Variants in COMMD10 observed in about 807,000 individuals in gnomAD.
COMMD10 encodes the protein COMM domain containing 10.
In COMMD10, 33 loss-of-function variants were observed where a neutral mutation model predicts 28.9. The ratio of observed to expected loss-of-function variants is 1.14; its 90% CI spans 0.87 to 1.53. The LOEUF is 1.53. COMMD10 is among the 40% of genes most tolerant of loss of function. The pLI is 0.00. For synonymous variants in COMMD10, 110 were observed against 81.7 expected (o/e 1.35, Z -1.87); for missense variants, 310 against 233.4 (o/e 1.33, Z -2.14).
chr5:116,241,674 G>A (rs1030818693), intron 5 of COMMD10, among the ~76,000 whole-genome samples: 16 of 151,460 alleles, frequency 1.1e-4, no homozygotes, highest in African/African-American at 2.7e-4. Context: ...GTGCAGTGGC[G>A]CAATCTCAGC....
intron 5 of COMMD10, among the ~76,000 whole-genome samples, chr5:116,264,000 G>A (rs904829626): frequency 4.6e-5 from 7 of 151,714 alleles, no homozygotes; most frequent in Non-Finnish European, 1.0e-4. Context: ...AGAGCAAACC[G>A]TACTTCCTGA....
chr5:116,107,308 G>A (rs1750873046), intron 4 of COMMD10, among the ~76,000 whole-genome samples: 1 of 151,992 alleles, frequency 6.6e-6, no homozygotes, highest in South Asian at 2.1e-4. Flanking sequence ...TCACTTTGAG[G>A]TACACCAATC....
intron 5 of COMMD10, among the ~76,000 whole-genome samples, chr5:116,172,004 TATC>T (rs1753351697): frequency 6.6e-6 from 1 of 152,058 alleles, no homozygotes; most frequent in Non-Finnish European, 1.5e-5. Flanking sequence ...TTTTGTGAAT[TATC>T]ATATTTAAAC....
At chr5:116,106,144 A>G (rs1314956322) in intron 4 of COMMD10, among the ~76,000 whole-genome samples, 1 of 150,562 alleles carries the variant, frequency 6.6e-6, no homozygotes, top group Non-Finnish European at 1.5e-5. Context: ...TTCCCTCTGC[A>G]CACTGCTTTA....
At chr5:116,117,880 A>G (rs930862287) in intron 4 of COMMD10, among the ~76,000 whole-genome samples, 1 of 152,202 alleles carries the variant, frequency 6.6e-6, no homozygotes, top group Non-Finnish European at 1.5e-5. Context: ...TTTCCCAACC[A>G]TTACTAGACT....
chr5:116,235,071 AT>A (rs1323383917), intron 5 of COMMD10, among the ~76,000 whole-genome samples: 8 of 152,146 alleles, frequency 5.3e-5, no homozygotes, highest in Admixed American at 4.6e-4. Context: ...GTATAATATA[AT>A]TTCAGATCTG....
chr5:116,096,615 C>T (rs890793872), intron 4 of COMMD10, among the ~76,000 whole-genome samples: 16 of 151,664 alleles, frequency 1.1e-4, no homozygotes, highest in Non-Finnish European at 7.4e-5. Context: ...GGACTTCCAA[C>T]GTGATGCTGA....
chr5:116,290,517 C>T (rs980868521), intron 5 of COMMD10, among the ~76,000 whole-genome samples: 4 of 151,734 alleles, frequency 2.6e-5, no homozygotes, highest in East Asian at 1.9e-4. Flanking sequence ...TTTGAAATGT[C>T]GGCTTTGTAA....
intron 5 of COMMD10, among the ~76,000 whole-genome samples, chr5:116,254,304 C>T (rs1251100938): frequency 3.3e-5 from 5 of 151,988 alleles, no homozygotes; most frequent in Admixed American, 3.3e-4. Flanking sequence ...TCCTTCAGTT[C>T]TGCTCTGATC....
chr5:116,235,462 T>C (rs933984020), intron 5 of COMMD10, among the ~76,000 whole-genome samples: 6 of 152,194 alleles, frequency 3.9e-5, no homozygotes, highest in African/African-American at 1.4e-4. Flanking sequence ...TTGCTGTTAC[T>C]TAGCTCTCAC....
chr5:116,100,564 T>A (rs571322796), intron 4 of COMMD10, among the ~76,000 whole-genome samples: 23 of 151,124 alleles, frequency 1.5e-4, no homozygotes, highest in Non-Finnish European at 2.8e-4. Flanking sequence ...TCAGTACCAT[T>A]AGTTGAAAAG....
intron 5 of COMMD10, among the ~76,000 whole-genome samples, chr5:116,154,646 C>T (rs986692784): frequency 1.3e-5 from 2 of 152,064 alleles, no homozygotes; most frequent in African/African-American, 4.8e-5. Flanking sequence ...GGCAAGTTGG[C>T]CCAAAGTCGT....
intron 5 of COMMD10, among the ~76,000 whole-genome samples, chr5:116,253,934 T>C (rs1048116413): frequency 3.9e-5 from 6 of 151,962 alleles, no homozygotes; most frequent in Non-Finnish European, 8.8e-5. Flanking sequence ...TCCTGGACTC[T>C]TCTTGGTTGG....
intron 5 of COMMD10, among the ~76,000 whole-genome samples, chr5:116,180,373 G>A (rs1036556807): frequency 2.0e-5 from 3 of 152,074 alleles, no homozygotes; most frequent in Non-Finnish European, 4.4e-5. Flanking sequence ...TCTGTTTTCA[G>A]TTAAGTTATT....
At chr5:116,177,083 A>C (rs1226409478) in intron 5 of COMMD10, among the ~76,000 whole-genome samples, 3 of 152,088 alleles carry the variant, frequency 2.0e-5, no homozygotes, top group Admixed American at 1.3e-4. Context: ...TGGGCTTGCA[A>C]AGGTAGTCAC....
rs1022704920 is a variant in COMMD10, at chr5:116,266,785, G to C, written c.511-24732G>C. ...GCTTCATCCCTGGGATGCAAGGCTG[G>C]TTCAACATACGCAAATCAATGAATG... On this transcript the variant is annotated intron_variant, in intron 5 of 6. Coordinates refer to ENST00000274458, the MANE Select transcript of COMMD10 (RefSeq NM_016144.4). Among the ~76,000 whole-genome samples the C allele has an allele frequency of 2.0e-5, 3 of 150,916 alleles. 1 individual carries two copies. The highest frequency in any genetic ancestry group is 7.3e-5 in the African/African-American group (3 of 40,944).
intron 5 of COMMD10, among the ~76,000 whole-genome samples, chr5:116,140,899 T>C (rs1752176020): frequency 1.3e-5 from 2 of 151,830 alleles, no homozygotes; most frequent in South Asian, 4.1e-4. Context: ...TTTTTGTTGA[T>C]GGTTTCCTTT....
Position 116,091,119 on chromosome 5 carries a change from A to C in COMMD10, c.173A>C (p.Gln58Pro). ...AGTGAAGAAGAGGAAGAAAAACTTC[A>C]AGCGGCATTTTCTCTAGAGAAACAA... The part of the protein sequence containing the change: ...SFSEEEEEKL[Q>P]AAFSLEKQDL... Residue 58 changes from glutamine to proline, a missense_variant, in exon 3 of 7, where the codon CAA (glutamine) becomes CCA (proline). Coordinates refer to ENST00000274458, the MANE Select transcript of COMMD10 (RefSeq NM_016144.4). 1.2e-6 allele frequency: 2 copies of C among 1,612,482 alleles called. No homozygotes were observed. Among genetic ancestry groups the C allele is most frequent in the Non-Finnish European group, 1.7e-6 (2 of 1,179,110 alleles).
At chr5:116,197,067 G>A (rs868796777) in intron 5 of COMMD10, among the ~76,000 whole-genome samples, 1 of 151,348 alleles carries the variant, frequency 6.6e-6, no homozygotes, top group Non-Finnish European at 1.5e-5. Context: ...TAGTGTTTCT[G>A]TCCGTTAAAT....
Sources: gnomAD v4.1 joint callset for allele counts (sites outside exome capture counted in the v4.1 genomes callset) on GRCh38, gnomAD v4.1.1 for gene constraint, MANE v1.5 for transcripts, NCBI Gene and HGNC (gene_info 2026-07-23, HGNC 2026-07-21) for gene names.